PDLIM5: variants seen among roughly 807,000 people sequenced by gnomAD.
PDLIM5 encodes the protein PDZ and LIM domain protein 5.
Under a neutral mutation model 64.2 loss-of-function variants are expected in PDLIM5, and 34 were observed. The observed-to-expected ratio is 0.53, with a 90% CI of 0.40 to 0.71. The LOEUF (loss-of-function observed/expected upper bound fraction) is 0.71, where lower values mean the gene tolerates loss of function less well. Among genes scored for constraint, PDLIM5 ranks in the 30% least tolerant of loss-of-function variants. PDLIM5 has a pLI of 0.00. For synonymous variants in PDLIM5, 253 were observed against 269.1 expected (o/e 0.94, Z 0.59); for missense variants, 683 against 733.6 (o/e 0.93, Z 0.80).
chr4:94,589,124 G>T (rs1365404475), intron 7 of PDLIM5, among the ~76,000 whole-genome samples: 1 of 152,148 alleles, frequency 6.6e-6, no homozygotes, highest in African/African-American at 2.4e-5. Flanking sequence ...GATCCTAAAA[G>T]ATGATGTCTG....
chr4:94,635,143 A>G (rs1740455626), intron 8 of PDLIM5, among the ~76,000 whole-genome samples: 1 of 152,178 alleles, frequency 6.6e-6, no homozygotes, highest in Non-Finnish European at 1.5e-5. Context: ...CACCAACACT[A>G]TTGGTTTGGA....
chr4:94,591,757 C>G (rs1736692919), intron 7 of PDLIM5, among the ~76,000 whole-genome samples: 1 of 152,240 alleles, frequency 6.6e-6, no homozygotes, highest in African/African-American at 2.4e-5. Context: ...ACTCCTGCTT[C>G]CTTTTCTGTC....
chr4:94,500,317 G>C (rs1324500585), intron 2 of PDLIM5, among the ~76,000 whole-genome samples: 1 of 152,144 alleles, frequency 6.6e-6, no homozygotes, highest in Non-Finnish European at 1.5e-5. Flanking sequence ...AACCTTGTAA[G>C]AATTTTTGAA....
intron 7 of PDLIM5, among the ~76,000 whole-genome samples, chr4:94,608,489 A>G (rs1291414345): frequency 1.3e-5 from 2 of 152,196 alleles, no homozygotes; most frequent in Non-Finnish European, 2.9e-5. Flanking sequence ...TGCCTCAAAG[A>G]CAGGTAAAGG....
intron 3 of PDLIM5, among the ~76,000 whole-genome samples, chr4:94,541,096 A>G (rs1327147482): frequency 6.6e-6 from 1 of 152,214 alleles, no homozygotes; most frequent in African/African-American, 2.4e-5. Context: ...TGAGATCCCC[A>G]GCTTCCTGGT....
At chr4:94,523,336 A>G (rs1729998418) in intron 2 of PDLIM5, among the ~76,000 whole-genome samples, 1 of 152,180 alleles carries the variant, frequency 6.6e-6, no homozygotes, top group Non-Finnish European at 1.5e-5. Flanking sequence ...TTAAAAAATT[A>G]TTTCTAAAAG....
At position 94,553,148 on chromosome 4, in the gene PDLIM5, G is replaced by A. The variant is rs573732294; in HGVS notation, c.249-20203G>A. On this transcript the variant is annotated intron_variant, in intron 3 of 12. Transcript: ENST00000317968. ...ATTATTATTATTATTATTTTGAGAC[G>A]GGGTCTCACTCTGATGCCCAGGCTG... Among the ~76,000 whole-genome samples, 402 of 151,946 alleles carry A rather than the reference G, an allele frequency of 2.6e-3. 1 individual carries two copies. The highest frequency in any genetic ancestry group is 7.2e-3 in the African/African-American group (299 of 41,440).
At chr4:94,653,164 A>C (rs1741969842) in intron 9 of PDLIM5, among the ~76,000 whole-genome samples, 1 of 152,058 alleles carries the variant, frequency 6.6e-6, no homozygotes, top group Non-Finnish European at 1.5e-5. Flanking sequence ...AAGGCAGAAT[A>C]TCAGTTGACT....
chr4:94,594,939 G>A (rs1050800536), intron 7 of PDLIM5, among the ~76,000 whole-genome samples: 1 of 152,120 alleles, frequency 6.6e-6, no homozygotes, highest in African/African-American at 2.4e-5. Context: ...AATTTATGAG[G>A]AAGCGGTTTG....
chr4:94,451,946 G>T lies in PDLIM5; in HGVS notation c.-92G>T, dbSNP rs1289761099. 1 of 152,270 alleles carries T rather than the reference G, an allele frequency of 6.6e-6. No individual in the cohort carries two copies. The highest frequency in any genetic ancestry group is 1.5e-5 in the Non-Finnish European group (1 of 68,100). The allele number at this position is 152,270 out of a possible 1,614,324, so 9.4% of individuals were successfully genotyped here. A position where few individuals can be genotyped will look rare whatever the true frequency, so the allele number is the denominator to read the frequency against. ...ACGGCGCCCTCACCGCGAGTCACTT[G>T]TCAGCCCTTGTCTGAGGCGGAGGCA... On this transcript the variant is annotated 5_prime_UTR_variant, in exon 1 of 13. Coordinates refer to ENST00000317968, the MANE Select transcript of PDLIM5 (RefSeq NM_006457.5).
chr4:94,499,050 C>T (rs1727662289), intron 2 of PDLIM5, among the ~76,000 whole-genome samples: 1 of 151,954 alleles, frequency 6.6e-6, no homozygotes, highest in African/African-American at 2.4e-5. Context: ...TTTAGTAGAC[C>T]ATATGAATGA....
At chr4:94,597,101 T>A (rs1259235942) in intron 7 of PDLIM5, among the ~76,000 whole-genome samples, 1 of 152,134 alleles carries the variant, frequency 6.6e-6, no homozygotes, top group Non-Finnish European at 1.5e-5. Context: ...TGGTACACAC[T>A]TATTTTGCCT....
At chr4:94,468,340 G>A (rs1442265896) in intron 2 of PDLIM5, among the ~76,000 whole-genome samples, 5 of 152,152 alleles carry the variant, frequency 3.3e-5, no homozygotes, top group Non-Finnish European at 5.9e-5. Flanking sequence ...TTTTTGTAGA[G>A]ATGAGCTCTT....
intron 8 of PDLIM5, among the ~76,000 whole-genome samples, chr4:94,635,999 G>A (rs1270689536): frequency 1.3e-5 from 2 of 152,168 alleles, no homozygotes; most frequent in Admixed American, 6.5e-5. Context: ...GGGCAGTAAC[G>A]GAAAGCAAGG....
At chr4:94,555,245 GGTTTCCCCGCCATGTTGGCCA>G (rs1421431251) in intron 3 of PDLIM5, among the ~76,000 whole-genome samples, 1 of 4,702 alleles carries the variant, frequency 2.1e-4, no homozygotes, top group Non-Finnish European at 4.7e-3. Flanking sequence ...GTAGAGATGG[GGTTTCCCCGCCATGTTGGCCA>G]GGAGTCTTGA....
intron 9 of PDLIM5, among the ~76,000 whole-genome samples, chr4:94,652,477 T>C (rs1327494637): frequency 6.6e-6 from 1 of 152,238 alleles, no homozygotes; most frequent in African/African-American, 2.4e-5. Flanking sequence ...TTTGTCTGGC[T>C]TTGAGCAGTG....
intron 3 of PDLIM5, among the ~76,000 whole-genome samples, chr4:94,538,099 A>G (rs530953758): frequency 2.6e-4 from 40 of 152,296 alleles, no homozygotes; most frequent in Admixed American, 1.3e-3. Context: ...CAGGGATCAC[A>G]TATTTTAAAA....
intron 9 of PDLIM5, among the ~76,000 whole-genome samples, chr4:94,652,845 A>G (rs1011162728): frequency 6.6e-6 from 1 of 152,138 alleles, no homozygotes; most frequent in African/African-American, 2.4e-5. Flanking sequence ...AGGGCTAGAA[A>G]ATACCCTCTT....
At chr4:94,516,485 A>G (rs1476005903) in intron 2 of PDLIM5, among the ~76,000 whole-genome samples, 1 of 149,630 alleles carries the variant, frequency 6.7e-6, no homozygotes, top group African/African-American at 2.5e-5. Context: ...TATTTCACAG[A>G]AAAAGGTAAT....
Sources: gnomAD v4.1 joint callset for allele counts (sites outside exome capture counted in the v4.1 genomes callset) on GRCh38, gnomAD v4.1.1 for gene constraint, MANE v1.5 for transcripts, NCBI Gene and HGNC (gene_info 2026-07-23, HGNC 2026-07-21) for gene names.